Variants in TACC2 observed in about 807,000 individuals in gnomAD.
The protein encoded by TACC2 is transforming acidic coiled-coil containing protein 2.
A neutral mutation model predicts 227.3 loss-of-function variants in TACC2; 137 were observed. The observed-to-expected ratio is 0.60, with a 90% CI of 0.52 to 0.69. The LOEUF (loss-of-function observed/expected upper bound fraction) is 0.69. TACC2 is among the 30% of genes least tolerant of loss of function. The pLI is 0.00. For synonymous variants in TACC2, 1,523 were observed against 1,487.5 expected (o/e 1.02, Z -0.55); for missense variants, 3,470 against 3,694.4 (o/e 0.94, Z 1.57).
chr10:122,204,018 T>G lies in TACC2; in HGVS notation c.5972-6379T>G, dbSNP rs11200476. ...CAAAAAAATACGAAAACCAGTCAGG[T>G]GTGGCGGCGCGCGCCTGCAATCCCA... On this transcript the variant is annotated intron_variant, in intron 8 of 22. Coordinates refer to ENST00000369005, the MANE Select transcript of TACC2 (RefSeq NM_206862.4). Among the ~76,000 whole-genome samples, 4 of 149,738 alleles carry G rather than the reference T, an allele frequency of 2.7e-5. No individual in the cohort carries two copies. In the East Asian group the frequency reaches 8.0e-4, roughly 30 times the overall value.
chr10:122,149,096 A>C (rs927045990), intron 7 of TACC2, among the ~76,000 whole-genome samples: 1 of 152,244 alleles, frequency 6.6e-6, no homozygotes, highest in Non-Finnish European at 1.5e-5. Context: ...AAGAATTTCC[A>C]GGAATACAAG....
At chr10:122,211,809 GC>G (rs35730664) in intron 9 of TACC2, 101 bp downstream of exon 9, 1 of 1,016,908 alleles carries the variant, frequency 9.8e-7, no homozygotes. Context: ...CCCTAACCTT[GC>G]CCCTGGGTGC....
chr10:122,067,010 T>G (rs972995093), intron 3 of TACC2, among the ~76,000 whole-genome samples: 1 of 152,216 alleles, frequency 6.6e-6, no homozygotes, highest in African/African-American at 2.4e-5. Flanking sequence ...TCTTTATATA[T>G]AAGCTACACA....
intron 3 of TACC2, among the ~76,000 whole-genome samples, chr10:122,077,510 G>C (rs1256272525): frequency 6.6e-6 from 1 of 152,114 alleles, no homozygotes; most frequent in Non-Finnish European, 1.5e-5. Flanking sequence ...AGGGCTGCAG[G>C]CTCCAGGCAG....
chr10:122,149,927 C>T (rs545399773), intron 7 of TACC2, among the ~76,000 whole-genome samples: 2 of 152,220 alleles, frequency 1.3e-5, no homozygotes, highest in Admixed American at 6.5e-5. Context: ...GCCACGTCAC[C>T]GGCCGGTGAG....
intron 2 of TACC2, among the ~76,000 whole-genome samples, chr10:122,045,054 G>T (rs539015878): frequency 2.0e-5 from 3 of 152,094 alleles, no homozygotes; most frequent in Non-Finnish European, 4.4e-5. Flanking sequence ...ACAGGAAGGG[G>T]GATTCAAAAG....
intron 3 of TACC2, among the ~76,000 whole-genome samples, chr10:122,057,772 G>A (rs942583607): frequency 6.6e-6 from 1 of 152,156 alleles, no homozygotes; most frequent in African/African-American, 2.4e-5. Flanking sequence ...GTTGGGGTGA[G>A]CCAAGATCGA....
At chr10:122,252,283 C>T (rs1027706985) in intron 22 of TACC2, among the ~76,000 whole-genome samples, 3 of 152,106 alleles carry the variant, frequency 2.0e-5, no homozygotes, top group Non-Finnish European at 2.9e-5. Flanking sequence ...TATACACAAC[C>T]CTTAACTTCT....
rs1452451864 is a variant in TACC2 at position 122,083,904 on chromosome 10, G to GGA, written c.1408_1409dup (p.Gln471GlyfsTer32). 1 of 1,614,038 alleles carries GGA rather than the reference G, an allele frequency of 6.2e-7. No homozygotes were observed. Among genetic ancestry groups the GGA allele is most frequent in the Non-Finnish European group, 8.5e-7 (1 of 1,180,024 alleles). ...TGGTGGATGCAGGGTTGGTGGGACT[G>GGA]GAGAGGCAGGTGTCAGATCTTGGAA... On this transcript the variant is annotated frameshift_variant, in exon 4 of 23. Coordinates refer to ENST00000369005, the MANE Select transcript of TACC2 (RefSeq NM_206862.4). LOFTEE classifies it high-confidence loss of function.
chr10:122,225,531 C>T (rs1317340187), intron 12 of TACC2, among the ~76,000 whole-genome samples: 1 of 152,198 alleles, frequency 6.6e-6, no homozygotes, highest in Non-Finnish European at 1.5e-5. Flanking sequence ...TGTCATCATC[C>T]CCTTGTGCGT....
Position 122,210,075 on chromosome 10 carries a change from T to C in TACC2, c.5972-322T>C. ...TTGTCTATTTCTGTTCCTTGTTGAA[T>C]CTCTAGTACCTAGAACCATGTCTGG... On this transcript the variant is annotated intron_variant, in intron 8 of 22. Transcript: ENST00000369005. The surrounding 1 kb of genome is among the most constrained non-coding windows in gnomAD (Gnocchi z 4.6). The C allele has an allele frequency of 3.0e-6, 1 of 329,626 alleles. No homozygotes were observed. The highest frequency in any genetic ancestry group is 5.6e-6 in the Non-Finnish European group (1 of 178,894). The allele number at this position is 329,626 out of a possible 1,614,324, so 20.4% of individuals were successfully genotyped here.
chr10:122,160,534 T>C (rs2092755665), intron 7 of TACC2, among the ~76,000 whole-genome samples: 1 of 120,294 alleles, frequency 8.3e-6, no homozygotes, highest in Non-Finnish European at 1.7e-5. Flanking sequence ...AAGAAGTGTG[T>C]GTGTGGGGGG....
At chr10:122,045,399 G>A (rs1005458759) in intron 2 of TACC2, among the ~76,000 whole-genome samples, 1 of 152,220 alleles carries the variant, frequency 6.6e-6, no homozygotes, top group African/African-American at 2.4e-5. Context: ...CCAAATCCTG[G>A]CTCCACCACT....
intron 1 of TACC2, among the ~76,000 whole-genome samples, chr10:122,007,870 T>G (rs1955377170): frequency 6.6e-6 from 1 of 152,114 alleles, no homozygotes; most frequent in Non-Finnish European, 1.5e-5. Flanking sequence ...ATTAATAGAT[T>G]AATGGGTCAT....
intron 3 of TACC2, among the ~76,000 whole-genome samples, chr10:122,061,027 G>T (rs370570795): frequency 1.5e-4 from 20 of 130,330 alleles, no homozygotes; most frequent in African/African-American, 4.3e-4. Context: ...AAAGGGGGGG[G>T]GGCCAGGCAC....
chr10:122,010,735 A>G (rs528213819), intron 1 of TACC2, among the ~76,000 whole-genome samples: 12 of 152,316 alleles, frequency 7.9e-5, no homozygotes, highest in Admixed American at 5.2e-4. Context: ...GCCAGCCACA[A>G]TTGGGTGCAG....
intron 7 of TACC2, among the ~76,000 whole-genome samples, chr10:122,186,385 T>A (rs1438518165): frequency 6.6e-6 from 1 of 152,032 alleles, no homozygotes; most frequent in East Asian, 1.9e-4. Context: ...CCCAGCTTAC[T>A]CGGGAGGCTG....
At position 122,041,871 on chromosome 10, in the gene TACC2, G is replaced by A. The variant is rs151185526; in HGVS notation, c.34-8567G>A. ...GATTACGCAAGTGTGTGAACAACAC[G>A]GCTCCAGGTTTTGGCCAGATGCATC... On this transcript the variant is annotated intron_variant, in intron 2 of 22. Coordinates refer to ENST00000369005, the MANE Select transcript of TACC2 (RefSeq NM_206862.4). Among the ~76,000 whole-genome samples, 469 of 152,376 alleles carry A rather than the reference G, an allele frequency of 3.1e-3. 6 individuals carry two copies. Among genetic ancestry groups the A allele is most frequent in the African/African-American group, 0.01 (431 of 41,596 alleles).
At chr10:122,025,604 T>G (rs1348392549) in intron 2 of TACC2, among the ~76,000 whole-genome samples, 2 of 148,222 alleles carry the variant, frequency 1.3e-5, no homozygotes, top group Non-Finnish European at 3.0e-5. Context: ...GATGGAGTCT[T>G]GCTCTGTTGC....
Sources: allele counts gnomAD v4.1 joint callset (sites outside exome capture counted in the v4.1 genomes callset), GRCh38; gene constraint gnomAD v4.1.1; non-coding constraint Gnocchi (gnomAD v3.1); transcripts MANE v1.5; gene names NCBI Gene and HGNC (gene_info 2026-07-23, HGNC 2026-07-21).